PCDHGB3: variants seen among roughly 807,000 people sequenced by gnomAD.
PCDHGB3 encodes protocadherin gamma-B3.
Under a neutral mutation model 59.2 loss-of-function variants are expected in PCDHGB3, and 40 were observed. The observed-to-expected ratio is 0.68, with a 90% CI of 0.52 to 0.88. The LOEUF (loss-of-function observed/expected upper bound fraction) is 0.88, where lower values mean the gene tolerates loss of function less well. Among genes scored for constraint, PCDHGB3 ranks in the 40% least tolerant of loss-of-function variants. The pLI is 0.00. For missense variants in PCDHGB3, 1,309 were observed against 1,187.9 expected (o/e 1.10, Z -1.50); for synonymous variants, 581 against 503.6 (o/e 1.15, Z -2.06).
chr5:141,502,577 A>G (rs1260539435), intron 2 of PCDHGB3, among the ~76,000 whole-genome samples: 2 of 152,192 alleles, frequency 1.3e-5, no homozygotes, highest in African/African-American at 4.8e-5. Context: ...TTATAAAAAT[A>G]TATTTTTATA....
rs2233605 is a variant in PCDHGB3 at position 141,490,412 on chromosome 5, C to A, written c.2416-4395C>A. ...GGTGAAGTGAGCCTTGATATCTCTC[C>A]GGACCTGCCATTTCAGATTAAGCCT... On this transcript the variant is annotated intron_variant, in intron 1 of 3. Transcript: ENST00000576222. This position sits in a 1 kb window ranked among gnomAD's most constrained non-coding sequence, Gnocchi z 5.4. 1.3e-4 allele frequency: 203 copies of A among 1,614,064 alleles called. 1 individual carries two copies. The highest frequency in any genetic ancestry group is 3.5e-4 in the South Asian group (32 of 91,086).
chr5:141,390,322 C>G, intron 1 of PCDHGB3: 1 of 1,606,310 alleles, frequency 6.2e-7, no homozygotes, highest in South Asian at 1.1e-5. Context: ...CATTGCCTAC[C>G]CATTTCTCCA....
At chr5:141,468,409 A>G (rs183146641) in intron 1 of PCDHGB3, 1 of 152,230 alleles carries the variant, frequency 6.6e-6, no homozygotes, top group East Asian at 1.9e-4. Flanking sequence ...AACTAATAAT[A>G]AGTTAGATAG....
rs548103153 is a variant in PCDHGB3 at position 141,371,489 on chromosome 5, C to T, written c.1095C>T (p.Ala365=). The T allele has an allele frequency of 1.9e-6, 3 of 1,613,918 alleles. No homozygotes were observed. Among genetic ancestry groups the T allele is most frequent in the Non-Finnish European group, 2.5e-6 (3 of 1,179,858 alleles). The change falls in exon 1 of 4, where the codon GCC becomes GCT. Residue 365 remains alanine, a synonymous_variant. Coordinates refer to ENST00000576222, the MANE Select transcript of PCDHGB3 (RefSeq NM_018924.5). ...HIQEDAELGT[A]VALIKTHDLD... is the part of the protein sequence containing the mutation. The stretch of plus-strand genomic sequence containing the variant: ...AAGAAGATGCTGAGCTGGGGACTGC[C>T]GTTGCCCTGATCAAAACACATGATC...
In PCDHGB3 at chr5:141,478,182, A is replaced by T. The variant is rs777228133; in HGVS notation, c.2416-16625A>T. The T allele has an allele frequency of 5.0e-6, 8 of 1,613,866 alleles. No individual in the cohort carries two copies. In the South Asian group the frequency reaches 8.8e-5, roughly 18 times the overall value. ...TCTGCCCCCCGGGAGCAGAAAAAAA[A>T]TCTCACCTTTTATCTACTTCTTTCT... is the stretch of plus-strand genomic sequence containing the variant. On this transcript the variant is annotated intron_variant, in intron 1 of 3. Transcript: ENST00000576222.
At chr5:141,399,318 G>A (rs772027563) in intron 1 of PCDHGB3, 19 of 1,613,830 alleles carry the variant, frequency 1.2e-5, no homozygotes, top group East Asian at 4.5e-5. Context: ...CCAAAAATTC[G>A]TATAAGTTGG....
chr5:141,398,862 C>A (rs771326288), intron 1 of PCDHGB3: 5 of 1,613,966 alleles, frequency 3.1e-6, no homozygotes, highest in Admixed American at 1.7e-5. Flanking sequence ...TCAACCGAGA[C>A]GTGTACAGAG....
intron 1 of PCDHGB3, chr5:141,398,636 A>G (rs770681129): frequency 6.2e-7 from 1 of 1,614,074 alleles, no homozygotes; most frequent in Non-Finnish European, 8.5e-7. Context: ...CTGCAGAAGT[A>G]TAAACTCTCT....
intron 1 of PCDHGB3, chr5:141,422,371 C>T (rs866886181): frequency 6.4e-7 from 1 of 1,567,212 alleles, no homozygotes; most frequent in South Asian, 1.2e-5. Context: ...AGAAAATGGT[C>T]AAGTCTCCTG....
rs373558342 is a variant in PCDHGB3 at position 141,374,559 on chromosome 5, A to C, written c.2415+1750A>C. 1.1e-4 allele frequency: 170 copies of C among 1,613,544 alleles called. No homozygotes were observed. The highest frequency in any genetic ancestry group is 1.3e-4 in the Non-Finnish European group (153 of 1,179,694). ...CGTTTTCCACTAATGGAGGTCTATG[A>C]CCCTGATGTGGGAATGAACTCCCTT... is the stretch of plus-strand genomic sequence containing the variant. On this transcript the variant is annotated intron_variant, in intron 1 of 3. Coordinates refer to ENST00000576222, the MANE Select transcript of PCDHGB3 (RefSeq NM_018924.5).
At chr5:141,399,512 C>T (rs2093823931) in intron 1 of PCDHGB3, 1 of 1,614,044 alleles carries the variant, frequency 6.2e-7, no homozygotes, top group East Asian at 2.2e-5. Context: ...GAAAACAACC[C>T]TCCTGGGGCC....
intron 1 of PCDHGB3, chr5:141,400,377 A>G: frequency 1.2e-6 from 2 of 1,613,892 alleles, no homozygotes; most frequent in Non-Finnish European, 1.7e-6. Flanking sequence ...CCTACAACCT[A>G]TGTGTTGCAC....
At chr5:141,384,610 G>A in intron 1 of PCDHGB3, 1 of 1,614,238 alleles carries the variant, frequency 6.2e-7, no homozygotes, top group Non-Finnish European at 8.5e-7. Context: ...CCCCACAGAT[G>A]GTTCTACTGG....
intron 1 of PCDHGB3, among the ~76,000 whole-genome samples, chr5:141,434,049 A>G (rs868088310): frequency 2.0e-5 from 3 of 152,116 alleles, no homozygotes; most frequent in Non-Finnish European, 2.9e-5. Flanking sequence ...ATTTTATTCA[A>G]TGGCCTGTAA....
chr5:141,404,897 C>T, intron 1 of PCDHGB3: 2 of 1,613,920 alleles, frequency 1.2e-6, no homozygotes, highest in Non-Finnish European at 1.7e-6. Flanking sequence ...TGTACAGGAC[C>T]ATGGCCAGCC....
At chr5:141,464,916 T>C (rs1298310554) in intron 1 of PCDHGB3, among the ~76,000 whole-genome samples, 1 of 152,024 alleles carries the variant, frequency 6.6e-6, no homozygotes, top group Non-Finnish European at 1.5e-5. Flanking sequence ...TTTTTTTATT[T>C]TTTTGTAGAG....
intron 1 of PCDHGB3, chr5:141,418,442 G>C: frequency 6.2e-7 from 1 of 1,614,010 alleles, no homozygotes; most frequent in Non-Finnish European, 8.5e-7. Flanking sequence ...TCCAGAATTA[G>C]TATTGCAGAA....
intron 1 of PCDHGB3, chr5:141,384,703 G>A (rs776947081): frequency 6.2e-7 from 1 of 1,614,100 alleles, no homozygotes; most frequent in South Asian, 1.1e-5. Flanking sequence ...AGGCCAGAAC[G>A]CCTGGCTGTC....
In PCDHGB3 at chr5:141,419,975, G is replaced by A. The variant is rs372316838; in HGVS notation, c.2415+47166G>A. ...CTTGATTTCTGTGCTCTTTCTCCTC[G>A]CGGTGATTCTAGCTATTGCTCTACG... On this transcript the variant is annotated intron_variant, in intron 1 of 3. Coordinates refer to ENST00000576222, the MANE Select transcript of PCDHGB3 (RefSeq NM_018924.5). 273 of 1,613,928 alleles carry A rather than the reference G, an allele frequency of 1.7e-4. No homozygotes were observed. The highest frequency in any genetic ancestry group is 2.2e-4 in the Non-Finnish European group (261 of 1,179,916).
Sources: allele counts gnomAD v4.1 joint callset (sites outside exome capture counted in the v4.1 genomes callset), GRCh38; gene constraint gnomAD v4.1.1; non-coding constraint Gnocchi (gnomAD v3.1); transcripts MANE v1.5; gene names NCBI Gene and HGNC (gene_info 2026-07-23, HGNC 2026-07-21).